The following SIPA1L3 variants were observed in gnomAD, a reference collection of about 807,000 sequenced individuals.
SIPA1L3 encodes signal-induced proliferation-associated 1-like protein 3.
A neutral mutation model predicts 150.1 loss-of-function variants in SIPA1L3; 59 were observed. The ratio of observed to expected loss-of-function variants is 0.39; its 90% confidence interval spans 0.32 to 0.49. The LOEUF (loss-of-function observed/expected upper bound fraction) is 0.49. Ranked by LOEUF, SIPA1L3 falls within the 20% of genes least tolerant of loss-of-function variation. The pLI is 0.86. For missense variants in SIPA1L3, 2,211 were observed against 2,489.5 expected, an observed-to-expected ratio of 0.89 and a Z score of 2.38; for synonymous variants, 1,070 against 1,077.6, an observed-to-expected ratio of 0.99 and a Z score of 0.14.
chr19:38,182,561 A>G lies in SIPA1L3; in HGVS notation c.4251A>G (p.Lys1417=). 6.2e-7 allele frequency: 1 copy of G among 1,613,968 alleles called. No individual in the cohort carries two copies. Among genetic ancestry groups the G allele is most frequent in the Non-Finnish European group, 8.5e-7 (1 of 1,179,900 alleles). Reference sequence around the variant, plus strand: ...TTGGCTACCCCGCTCAGGTTTACAAAACTGCCAGTGCAGAGACTCCTCGGC... The same window carrying G: ...TTGGCTACCCCGCTCAGGTTTACAAGACTGCCAGTGCAGAGACTCCTCGGC... The part of the protein sequence containing the change: ...SRVGYPAQVY[K]TASAETPRPS... Residue 1417 remains lysine (K), a synonymous_variant, in exon 16 of 22, where the codon AAA becomes AAG. Transcript: ENST00000222345.
In SIPA1L3 at chr19:38,082,240, C is replaced by G. The variant is rs1970007559; in HGVS notation, c.675C>G (p.Phe225Leu). ...EQSFFDILNE[F>L]RSEQPDARGC... The stretch of plus-strand genomic sequence containing the variant: ...GCTTCTTCGACATCCTGAACGAGTT[C>G]CGCAGCGAGCAGCCCGACGCCCGAG... Residue 225 changes from phenylalanine (F) to leucine (L), a missense_variant, in exon 3 of 22, where the codon TTC (phenylalanine) becomes TTG (leucine). Physicochemically the swap from Phe to Leu is conservative, Grantham distance 22. This residue lies in a region of SIPA1L3 where 587 missense variants were observed against 534.5 expected (regional missense o/e 1.10). Transcript: ENST00000222345. 2.5e-6 allele frequency: 4 copies of G among 1,601,408 alleles called. No individual in the cohort carries two copies. The Admixed American group carries it at 5.0e-5, about 20-fold the overall frequency.
intron 1 of SIPA1L3, among the ~76,000 whole-genome samples, chr19:37,912,625 A>G (rs996862501): frequency 1.3e-5 from 2 of 152,118 alleles, no homozygotes; most frequent in African/African-American, 4.8e-5. Flanking sequence ...ACTCCCTAGT[A>G]GCTGGGGCTA....
chr19:38,054,920 C>T (rs10421137), intron 2 of SIPA1L3, among the ~76,000 whole-genome samples: 5 of 152,072 alleles, frequency 3.3e-5, no homozygotes, highest in East Asian at 3.9e-4. Flanking sequence ...TCCATGTTCC[C>T]GGGAGCCCCT....
At chr19:37,932,006 GGTT>G (rs1483554851) in intron 1 of SIPA1L3, among the ~76,000 whole-genome samples, 2 of 152,236 alleles carry the variant, frequency 1.3e-5, no homozygotes, top group African/African-American at 4.8e-5. Flanking sequence ...TTCCGGTTGT[GGTT>G]GTTATTATTA....
chr19:38,124,661 T>C (rs1600104056), intron 9 of SIPA1L3, among the ~76,000 whole-genome samples: 1 of 151,232 alleles, frequency 6.6e-6, no homozygotes, highest in South Asian at 2.1e-4. Context: ...GGCTGGGAGG[T>C]GGAGGTTGTA....
intron 1 of SIPA1L3, among the ~76,000 whole-genome samples, chr19:37,979,578 G>A (rs1967153440): frequency 6.6e-6 from 1 of 151,344 alleles, no homozygotes; most frequent in Admixed American, 6.6e-5. Context: ...AAAAAATTTA[G>A]GTTTCACTGT....
chr19:38,175,212 G>T (rs1972411426), intron 15 of SIPA1L3, among the ~76,000 whole-genome samples: 1 of 152,028 alleles, frequency 6.6e-6, no homozygotes, highest in Non-Finnish European at 1.5e-5. Flanking sequence ...ACGCCTATAA[G>T]ATGCTTAGAA....
At chr19:37,930,067 C>T (rs2046539881) in intron 1 of SIPA1L3, among the ~76,000 whole-genome samples, 1 of 149,688 alleles carries the variant, frequency 6.7e-6, no homozygotes, top group South Asian at 2.1e-4. Flanking sequence ...CTCTGTTTCC[C>T]AGGCTGGAGT....
At chr19:38,188,915 C>T (rs896943289) in intron 16 of SIPA1L3, among the ~76,000 whole-genome samples, 2 of 145,298 alleles carry the variant, frequency 1.4e-5, no homozygotes, top group African/African-American at 5.2e-5. Flanking sequence ...AGCGAGACTC[C>T]GTCTCAAAAA....
intron 13 of SIPA1L3, among the ~76,000 whole-genome samples, chr19:38,157,902 C>G (rs1490322705): frequency 2.0e-5 from 3 of 152,150 alleles, no homozygotes; most frequent in African/African-American, 7.2e-5. Flanking sequence ...TGGACAATTA[C>G]AGGGACACGA....
chr19:37,947,488 C>CA (rs546299734), intron 1 of SIPA1L3, among the ~76,000 whole-genome samples: 8,622 of 123,948 alleles, frequency 0.07, 307 homozygotes, highest in East Asian at 0.12. Context: ...GACTCCATAT[C>CA]AAAAAAAAAA....
intron 1 of SIPA1L3, among the ~76,000 whole-genome samples, chr19:37,999,008 C>T (rs898628754): frequency 3.3e-5 from 5 of 151,480 alleles, no homozygotes; most frequent in African/African-American, 4.9e-5. Context: ...CACACACACA[C>T]ACACCCACAC....
chr19:38,204,880 A>G (rs1003198543), intron 21 of SIPA1L3, among the ~76,000 whole-genome samples: 28 of 152,254 alleles, frequency 1.8e-4, no homozygotes, highest in Non-Finnish European at 5.9e-5. Context: ...ACTATTGGCA[A>G]TAAAAAATTG....
intron 1 of SIPA1L3, among the ~76,000 whole-genome samples, chr19:37,967,416 G>A (rs2145585479): frequency 6.6e-6 from 1 of 152,158 alleles, no homozygotes; most frequent in Non-Finnish European, 1.5e-5. Context: ...ACCATGCCTG[G>A]TTAATTTTTG....
chr19:37,977,539 G>A (rs753017122), intron 1 of SIPA1L3, among the ~76,000 whole-genome samples: 62 of 152,114 alleles, frequency 4.1e-4, no homozygotes, highest in Admixed American at 2.2e-3. Context: ...GCCCAGTTTG[G>A]ATCAGGTGGG....
At chr19:38,174,605 T>G (rs1240635228) in intron 15 of SIPA1L3, among the ~76,000 whole-genome samples, 1 of 152,088 alleles carries the variant, frequency 6.6e-6, no homozygotes, top group Non-Finnish European at 1.5e-5. Flanking sequence ...ATCCCAGCAC[T>G]TTGGGAGGCC....
chr19:38,034,922 A>G (rs2145727969), intron 2 of SIPA1L3, among the ~76,000 whole-genome samples: 1 of 152,136 alleles, frequency 6.6e-6, no homozygotes, highest in South Asian at 2.1e-4. Flanking sequence ...GTCCCTGTAG[A>G]GTAGTGGGGA....
Position 38,201,890 on chromosome 19 carries a change from G to A in SIPA1L3, c.5013G>A (p.Leu1671=). The A allele has an allele frequency of 6.2e-7, 1 of 1,613,226 alleles. No homozygotes were observed. Among genetic ancestry groups the A allele is most frequent in the Non-Finnish European group, 8.5e-7 (1 of 1,179,618 alleles). ...EVQRAVSLFS[L]NDPALSPDIP... ...AAAGAGCCGTCTCACTCTTCTCTCT[G>A]AACGACCCGGCCCTGAGCCCGGACA... Residue 1671 remains leucine (L), a synonymous_variant, in exon 20 of 22, where the codon CTG becomes CTA. Transcript: ENST00000222345.
At chr19:38,089,702 C>T (rs1019840875) in intron 4 of SIPA1L3, among the ~76,000 whole-genome samples, 3 of 152,372 alleles carry the variant, frequency 2.0e-5, no homozygotes, top group South Asian at 2.1e-4. Context: ...GATTAAATGT[C>T]AACTGTAGCT....
Sources: gnomAD v4.1 joint callset for allele counts (sites outside exome capture counted in the v4.1 genomes callset) on GRCh38, gnomAD v4.1.1 for gene constraint, gnomAD v4.1.1 regional missense constraint, MANE v1.5 for transcripts, NCBI Gene and HGNC (gene_info 2026-07-23, HGNC 2026-07-21) for gene names.